Variants in SI observed in about 807,000 individuals in gnomAD.
SI encodes the protein sucrase-isomaltase, also known as sucrase-isomaltase, intestinal.
SI carries 235 observed loss-of-function variants against 253.3 expected under a neutral mutation model. The observed-to-expected ratio is 0.93, with a 90% CI of 0.83 to 1.03. The LOEUF (loss-of-function observed/expected upper bound fraction) is 1.03, where lower values mean the gene tolerates loss of function less well. Among genes scored for constraint, SI ranks in the 50% least tolerant of loss-of-function variants. The probability of loss-of-function intolerance (pLI) is 0.00; values close to 1 mark genes in which losing one functional copy is unlikely to be tolerated. For synonymous variants in SI, 819 were observed against 712.0 expected, an observed-to-expected ratio of 1.15 and a Z score of -2.39; for missense variants, 2,442 against 2,211.1, an observed-to-expected ratio of 1.10 and a Z score of -2.09.
At chr3:164,994,200 G>C in intron 41 of SI, 57 bp downstream of exon 41, 1 of 1,482,658 alleles carries the variant, frequency 6.7e-7, no homozygotes, top group Non-Finnish European at 9.4e-7. Context: ...GAGATCATTG[G>C]GTAAATTAAG....
At chr3:164,984,310 G>T (rs1252848468) in intron 45 of SI, among the ~76,000 whole-genome samples, 1 of 152,000 alleles carries the variant, frequency 6.6e-6, no homozygotes, top group Non-Finnish European at 1.5e-5. Context: ...AAATTAATTT[G>T]CTATTGATTT....
At chr3:164,989,044 C>A (rs1717572871) in intron 44 of SI, among the ~76,000 whole-genome samples, 1 of 151,414 alleles carries the variant, frequency 6.6e-6, no homozygotes, top group South Asian at 2.1e-4. Context: ...ATGTAACTAA[C>A]CTGCACATTG....
At chr3:164,995,024 T>C (rs541343548) in intron 40 of SI, among the ~76,000 whole-genome samples, 24 of 151,918 alleles carry the variant, frequency 1.6e-4, no homozygotes, top group African/African-American at 5.5e-4. Flanking sequence ...TTCTTGCACA[T>C]ATTAGTTAAA....
intron 26 of SI, 93 bp from the exon 27 acceptor site, chr3:165,021,476 T>C: frequency 1.0e-6 from 1 of 992,918 alleles, no homozygotes; most frequent in Non-Finnish European, 1.6e-6. Flanking sequence ...CAAACAAGAA[T>C]ATTTAGAATT....
chr3:165,051,853 T>C (rs1039804966), intron 13 of SI, among the ~76,000 whole-genome samples: 25 of 151,968 alleles, frequency 1.6e-4, no homozygotes, highest in African/African-American at 6.0e-4. Flanking sequence ...AAATAATTAA[T>C]TGGTTTTACT....
intron 33 of SI, 58 bp from the exon 34 acceptor site, chr3:165,013,100 C>T (rs1416716874): frequency 1.9e-5 from 20 of 1,053,038 alleles, no homozygotes; most frequent in Non-Finnish European, 2.5e-5. Flanking sequence ...GATATGATTG[C>T]TATGTAGATG....
intron 31 of SI, among the ~76,000 whole-genome samples, chr3:165,016,762 TC>T (rs1316584471): frequency 5.9e-5 from 9 of 151,976 alleles, no homozygotes; most frequent in Non-Finnish European, 1.3e-4. Flanking sequence ...CTCAATTTCT[TC>T]TTCTATGTGT....
chr3:165,081,369 A>G (rs190034504), upstream of SI, among the ~76,000 whole-genome samples: 3 of 151,940 alleles, frequency 2.0e-5, no homozygotes, highest in Admixed American at 2.0e-4. Flanking sequence ...GGTGATTGAC[A>G]CCTAGTGTAA....
At chr3:165,027,015 C>A (rs1451641014) in intron 25 of SI, among the ~76,000 whole-genome samples, 3 of 150,894 alleles carry the variant, frequency 2.0e-5, no homozygotes, top group African/African-American at 4.8e-5. Context: ...ATACAAAAGA[C>A]AACTGAAACA....
At chr3:165,049,733 G>A in intron 14 of SI, 58 bp downstream of exon 14, 2 of 968,154 alleles carry the variant, frequency 2.1e-6, no homozygotes, top group Non-Finnish European at 3.3e-6. Context: ...GAAATTACTA[G>A]TCAACTACAA....
intron 1 of SI, 34 bp from the exon 2 acceptor site, chr3:165,076,046 A>G: frequency 7.4e-7 from 1 of 1,343,794 alleles, no homozygotes; most frequent in Non-Finnish European, 1.0e-6. Flanking sequence ...TTTAAAATGT[A>G]AAATATATAA....
chr3:165,024,674 C>A (rs752382493), intron 25 of SI, among the ~76,000 whole-genome samples: 74 of 151,234 alleles, frequency 4.9e-4, no homozygotes, highest in Non-Finnish European at 8.6e-4. Context: ...CTCTCTCTTG[C>A]ATCAATAATA....
At chr3:165,059,838 A>G (rs1380587003) in intron 10 of SI, 64 bp downstream of exon 10, 2 of 1,522,482 alleles carry the variant, frequency 1.3e-6, no homozygotes, top group African/African-American at 2.7e-5. Context: ...AATTTCCTAC[A>G]GTTCTTATTA....
intron 27 of SI, among the ~76,000 whole-genome samples, chr3:165,020,352 A>G (rs1711535114): frequency 6.6e-6 from 1 of 151,748 alleles, no homozygotes; most frequent in African/African-American, 2.4e-5. Flanking sequence ...AGAAGAACAT[A>G]AAGAGGAAGG....
chr3:165,019,381 T>C (rs1212235133), intron 28 of SI, among the ~76,000 whole-genome samples: 1 of 151,942 alleles, frequency 6.6e-6, no homozygotes, highest in Non-Finnish European at 1.5e-5. Flanking sequence ...CTTCTCACAG[T>C]AGTCAAGCAA....
rs1443396915 is a variant in SI at position 164,987,157 on chromosome 3, C to A, written c.5178G>T (p.Trp1726Cys). The A allele has an allele frequency of 6.2e-7, 1 of 1,613,448 alleles. No individual in the cohort carries two copies. The highest frequency in any genetic ancestry group is 1.7e-5 in the Admixed American group (1 of 59,972). ...DNQMAQGSLF[W>C]DDGESIDTYE... ...ACTCACCTATACTCTCTCCATCATCCCAAAACAGAGAACCCTGTGCCATCT... is the reference window on the plus strand; with the variant it reads ...ACTCACCTATACTCTCTCCATCATCACAAAACAGAGAACCCTGTGCCATCT... The change falls in exon 45 of 48, where the codon TGG (tryptophan) becomes TGT (cysteine). Residue 1726 changes from tryptophan to cysteine, a missense_variant. Physicochemically the swap from Trp to Cys is radical, Grantham distance 215. Coordinates refer to ENST00000264382, the MANE Select transcript of SI (RefSeq NM_001041.4).
intron 22 of SI, among the ~76,000 whole-genome samples, chr3:165,035,514 A>G (rs774542365): frequency 6.6e-6 from 1 of 151,644 alleles, no homozygotes; most frequent in Admixed American, 6.6e-5. Context: ...TTTTAAATAT[A>G]CACATTTTCA....
rs1714919690 is a variant in SI at position 165,075,787 on chromosome 3, A to C, written c.118+108T>G. ...TGTGTAACTTACCCTGGATTTTTCT[A>C]TAAGTGTTTCATCTTACACAGATTA... On this transcript the variant is annotated intron_variant, in intron 2 of 47. Coordinates refer to ENST00000264382, the MANE Select transcript of SI (RefSeq NM_001041.4). 5 of 671,096 alleles carry C rather than the reference A, an allele frequency of 7.5e-6. No homozygotes were observed. The South Asian group carries it at 9.8e-5, about 13-fold the overall frequency. The allele number at this position is 671,096 out of a possible 1,614,324, so 41.6% of individuals were successfully genotyped here.
chr3:165,073,315 C>T (rs1001548413), intron 3 of SI, among the ~76,000 whole-genome samples: 1 of 151,918 alleles, frequency 6.6e-6, no homozygotes, highest in African/African-American at 2.4e-5. Flanking sequence ...CTGCCCACTG[C>T]AAGCTCTGCC....
Sources: gnomAD v4.1 joint callset for allele counts (sites outside exome capture counted in the v4.1 genomes callset) on GRCh38, gnomAD v4.1.1 for gene constraint, MANE v1.5 for transcripts, NCBI Gene and HGNC (gene_info 2026-07-23, HGNC 2026-07-21) for gene names.